The following PHF24 variants were observed in gnomAD, a reference collection of about 807,000 sequenced individuals.
PHF24 encodes the protein Galpha inhibitory interacting protein.
A neutral mutation model predicts 42.6 loss-of-function variants in PHF24; 25 were observed. The ratio of observed to expected loss-of-function variants is 0.59; its 90% CI spans 0.43 to 0.82. PHF24 has a LOEUF of 0.82. Ranked by LOEUF, PHF24 falls within the 40% of genes least tolerant of loss-of-function variation. PHF24 has a pLI of 0.00. For synonymous variants in PHF24, 185 were observed against 204.8 expected (o/e 0.90, Z 0.83); for missense variants, 470 against 538.1 (o/e 0.87, Z 1.25).
chr9:34,950,574 T>C, the PHF24 span, among the ~76,000 whole-genome samples: 44 of 152,072 alleles, frequency 2.9e-4, no homozygotes, highest in Admixed American at 7.9e-4. Context: ...AATTTGGGAA[T>C]GTTTATATCA....
At chr9:34,787,711 A>T in the PHF24 span, among the ~76,000 whole-genome samples, 1 of 152,128 alleles carries the variant, frequency 6.6e-6, no homozygotes, top group Non-Finnish European at 1.5e-5. Context: ...TTAATGTGTG[A>T]TTCTCAGGGA....
chr9:34,673,492 A>G, the PHF24 span, among the ~76,000 whole-genome samples: 12 of 151,008 alleles, frequency 7.9e-5, no homozygotes, highest in Non-Finnish European at 1.2e-4. Flanking sequence ...TTTTTTTAAG[A>G]TGGAGCCTCG....
the PHF24 span, among the ~76,000 whole-genome samples, chr9:34,669,402 T>G: frequency 1.3e-5 from 2 of 151,820 alleles, no homozygotes; most frequent in African/African-American, 4.8e-5. Flanking sequence ...AAAACCAATA[T>G]GCTGAGAAGA....
the PHF24 span, among the ~76,000 whole-genome samples, chr9:34,821,996 T>C: frequency 6.6e-6 from 1 of 152,222 alleles, no homozygotes; most frequent in Non-Finnish European, 1.5e-5. Context: ...TTCTAACTGA[T>C]ACAATCTTCA....
At chr9:34,826,499 C>G in the PHF24 span, among the ~76,000 whole-genome samples, 1 of 152,336 alleles carries the variant, frequency 6.6e-6, no homozygotes, top group South Asian at 2.1e-4. Flanking sequence ...TCCATGGAGT[C>G]TATTCCTGTG....
At chr9:34,863,643 G>C in the PHF24 span, among the ~76,000 whole-genome samples, 1 of 152,186 alleles carries the variant, frequency 6.6e-6, no homozygotes, top group African/African-American at 2.4e-5. Flanking sequence ...AAGTACTTTT[G>C]AAGCACTGCA....
intron 1 of PHF24, among the ~76,000 whole-genome samples, chr9:34,959,310 G>A (rs1030972488): frequency 1.3e-5 from 2 of 152,184 alleles, no homozygotes; most frequent in Admixed American, 1.3e-4. Context: ...TTGAGCACCA[G>A]TACGCTAGGC....
At chr9:34,681,700 A>G in the PHF24 span, among the ~76,000 whole-genome samples, 1 of 152,306 alleles carries the variant, frequency 6.6e-6, no homozygotes, top group Non-Finnish European at 1.5e-5. Flanking sequence ...AGTCCCAGCT[A>G]CTTGGGAGGC....
intron 1 of PHF24, among the ~76,000 whole-genome samples, chr9:34,962,082 G>A (rs981642954): frequency 1.3e-5 from 2 of 152,168 alleles, no homozygotes; most frequent in Admixed American, 6.5e-5. Context: ...ACTGGTCAGC[G>A]CTGGAACTTA....
At chr9:34,738,606 A>G in the PHF24 span, among the ~76,000 whole-genome samples, 2 of 152,098 alleles carry the variant, frequency 1.3e-5, no homozygotes, top group African/African-American at 2.4e-5. Context: ...TCAGCCTCCC[A>G]AAGTGCTGGG....
intron 3 of PHF24, among the ~76,000 whole-genome samples, chr9:34,974,499 C>T (rs1827116997): frequency 3.9e-5 from 6 of 152,178 alleles, no homozygotes; most frequent in Admixed American, 3.9e-4. Context: ...TTACCTCCCA[C>T]ATTCTGCAGC....
chr9:34,978,673 T>C (rs1827291445), exon 8 of PHF24: 1 of 153,234 alleles, frequency 6.5e-6, no homozygotes, highest in African/African-American at 2.4e-5. Flanking sequence ...CTGCTGTTAC[T>C]AGTAGGTGTG....
At chr9:34,772,600 T>C in the PHF24 span, among the ~76,000 whole-genome samples, 1 of 152,106 alleles carries the variant, frequency 6.6e-6, no homozygotes, top group Non-Finnish European at 1.5e-5. Context: ...AAATGGAAAA[T>C]ATTCTTTCCA....
At chr9:34,937,329 CT>C in the PHF24 span, among the ~76,000 whole-genome samples, 1 of 152,078 alleles carries the variant, frequency 6.6e-6, no homozygotes, top group Non-Finnish European at 1.5e-5. Context: ...TCTTGGGATC[CT>C]GTTGATCTGT....
At chr9:34,815,642 C>G in the PHF24 span, among the ~76,000 whole-genome samples, 11 of 152,316 alleles carry the variant, frequency 7.2e-5, no homozygotes, top group Admixed American at 7.2e-4. Flanking sequence ...AATAATTCTA[C>G]TCAATGGATT....
chr9:34,911,797 A>G, the PHF24 span, among the ~76,000 whole-genome samples: 1 of 152,212 alleles, frequency 6.6e-6, no homozygotes, highest in African/African-American at 2.4e-5. Context: ...CTGGAAAAAT[A>G]CAAGAAACAA....
the PHF24 span, among the ~76,000 whole-genome samples, chr9:34,827,919 C>CT: frequency 1.3e-5 from 2 of 152,098 alleles, no homozygotes; most frequent in Non-Finnish European, 2.9e-5. Context: ...GCATTTAGAG[C>CT]TTTTTCTGTG....
the PHF24 span, among the ~76,000 whole-genome samples, chr9:34,860,003 G>T: frequency 1.3e-5 from 2 of 151,978 alleles, no homozygotes; most frequent in Non-Finnish European, 2.9e-5. Context: ...TTCTCTTTGT[G>T]CCCATCTCTC....
intron 1 of PHF24, among the ~76,000 whole-genome samples, chr9:34,964,830 G>A (rs1347813074): frequency 6.6e-6 from 1 of 152,112 alleles, no homozygotes; most frequent in Non-Finnish European, 1.5e-5. Flanking sequence ...TTGTCCCGCT[G>A]TTATATACCA....
Sources: allele counts gnomAD v4.1 joint callset (sites outside exome capture counted in the v4.1 genomes callset), GRCh38; gene constraint gnomAD v4.1.1; transcripts MANE v1.5; gene names NCBI Gene and HGNC (gene_info 2026-07-23, HGNC 2026-07-21).